ABCC1: variants seen among roughly 807,000 people sequenced by gnomAD.
The protein encoded by ABCC1 is ATP binding cassette subfamily C member 1 (ABCC1 blood group), also known as multidrug resistance-associated protein 1.
A neutral mutation model predicts 172.9 loss-of-function variants in ABCC1; 83 were observed. The ratio of observed to expected loss-of-function variants is 0.48; its 90% CI spans 0.40 to 0.58. The LOEUF is 0.58. ABCC1 is among the 20% of genes least tolerant of loss of function. The pLI is 0.00. For synonymous variants in ABCC1, 937 were observed against 825.2 expected (o/e 1.14, Z -2.32); for missense variants, 1,817 against 2,002.7 (o/e 0.91, Z 1.77).
chr16:15,992,420 G>A (rs975710794), intron 1 of ABCC1, among the ~76,000 whole-genome samples: 10 of 152,056 alleles, frequency 6.6e-5, no homozygotes, highest in African/African-American at 1.9e-4. Flanking sequence ...TTTCTTTTGA[G>A]ATGGATTCTT....
At chr16:16,127,347 C>G (rs928335341) in intron 26 of ABCC1, among the ~76,000 whole-genome samples, 3 of 152,110 alleles carry the variant, frequency 2.0e-5, no homozygotes, top group African/African-American at 7.2e-5. Flanking sequence ...TCTGGGACCA[C>G]GGGCATATGC....
At chr16:16,110,193 T>A (rs1381663132) in intron 21 of ABCC1, among the ~76,000 whole-genome samples, 1 of 151,840 alleles carries the variant, frequency 6.6e-6, no homozygotes, top group Non-Finnish European at 1.5e-5. Flanking sequence ...CTCCACCTCC[T>A]GGCTTCAAGC....
chr16:16,023,088 A>T (rs2048249148), intron 5 of ABCC1, among the ~76,000 whole-genome samples: 2 of 151,938 alleles, frequency 1.3e-5, no homozygotes, highest in Admixed American at 6.6e-5. Flanking sequence ...TAATTTTTAA[A>T]TTTTTTGTAG....
chr16:16,056,006 G>A (rs932732831), intron 11 of ABCC1, 86 bp from the exon 12 acceptor site: 3 of 1,213,054 alleles, frequency 2.5e-6, no homozygotes, highest in Non-Finnish European at 3.5e-6. Flanking sequence ...ATATAATAAA[G>A]TTTATGAGAA....
intron 10 of ABCC1, among the ~76,000 whole-genome samples, chr16:16,049,305 C>T (rs1377875124): frequency 6.6e-6 from 1 of 152,188 alleles, no homozygotes; most frequent in African/African-American, 2.4e-5. Context: ...TATTCACACC[C>T]GTGAACCAAT....
Position 16,080,822 on chromosome 16 carries a change from G to A in ABCC1, c.2115+1344G>A, listed in dbSNP as rs187066610. Among the ~76,000 whole-genome samples, 375 of 152,288 alleles carry A rather than the reference G, an allele frequency of 2.5e-3. 1 individual carries two copies. The highest frequency in any genetic ancestry group is 8.4e-3 in the African/African-American group (349 of 41,552). Reference sequence around the variant, plus strand: ...TTAGTGTCTGTGCAACTGCACATTTGTCTCTTGGAATCTGCCTTTGGGAAT... The same window carrying A: ...TTAGTGTCTGTGCAACTGCACATTTATCTCTTGGAATCTGCCTTTGGGAAT... On this transcript the variant is annotated intron_variant, in intron 16 of 30. Transcript: ENST00000399410.
intron 18 of ABCC1, among the ~76,000 whole-genome samples, chr16:16,089,105 T>C (rs939513784): frequency 8.5e-5 from 13 of 152,204 alleles, no homozygotes; most frequent in African/African-American, 3.1e-4. Flanking sequence ...AGATTGACCG[T>C]TAGCTGTTTA....
intron 1 of ABCC1, among the ~76,000 whole-genome samples, chr16:15,989,220 C>A (rs939038616): frequency 2.0e-5 from 3 of 152,070 alleles, no homozygotes; most frequent in Non-Finnish European, 4.4e-5. Flanking sequence ...TGGAAATTGC[C>A]CCTGTGATGT....
Position 16,007,866 on chromosome 16 carries a change from T to G in ABCC1, c.99T>G (p.Phe33Leu), listed in dbSNP as rs754116395. The change falls in exon 2 of 31, where the codon TTT becomes TTG. Residue 33 changes from phenylalanine (F) to leucine (L), a missense_variant. Phe to Leu is a conservative substitution (Grantham distance 22, BLOSUM62 0). Around this residue, in one of 3 missense-constraint regions of ABCC1, gnomAD observed 398 missense variants for 384.2 expected, o/e 1.04. Coordinates refer to ENST00000399410, the MANE Select transcript of ABCC1 (RefSeq NM_004996.4). ...NTSNPDFTKC[F>L]QNTVLVWVPC... ...GCAACCCCGACTTCACCAAGTGCTT[T>G]CAGAACACGGTCCTCGTGTGGGTGC... 2.5e-6 allele frequency: 4 copies of G among 1,613,568 alleles called. No homozygotes were observed. The highest frequency in any genetic ancestry group is 3.4e-6 in the Non-Finnish European group (4 of 1,179,844).
At chr16:15,978,046 A>G (rs1204666162) in intron 1 of ABCC1, among the ~76,000 whole-genome samples, 2 of 152,124 alleles carry the variant, frequency 1.3e-5, no homozygotes, top group East Asian at 1.9e-4. Flanking sequence ...GAAATAATAT[A>G]TAAGTCTCGT....
intron 19 of ABCC1, among the ~76,000 whole-genome samples, chr16:16,094,884 C>T (rs796521786): frequency 6.5e-5 from 9 of 139,454 alleles, no homozygotes; most frequent in African/African-American, 2.2e-4. Flanking sequence ...GTGGCACGAT[C>T]TTGGCTCACT....
intron 10 of ABCC1, among the ~76,000 whole-genome samples, chr16:16,049,476 T>C (rs772145815): frequency 2.0e-5 from 3 of 152,158 alleles, no homozygotes; most frequent in Non-Finnish European, 4.4e-5. Flanking sequence ...ACATGCCTTG[T>C]GCTTTGCTAC....
chr16:16,036,524 T>C lies in ABCC1; in HGVS notation c.730T>C (p.Leu244=), dbSNP rs1317328059. ...CCTGGAGGGCAGTGACCTCTGGTCCTTAAACAAGGAGGACACGTCGGAACA... is the reference window on the plus strand; with the variant it reads ...CCTGGAGGGCAGTGACCTCTGGTCCCTAAACAAGGAGGACACGTCGGAACA... ...QPLEGSDLWS[L]NKEDTSEQVV... Residue 244 remains leucine, a synonymous_variant, in exon 7 of 31, where the codon TTA becomes CTA. Coordinates refer to ENST00000399410, the MANE Select transcript of ABCC1 (RefSeq NM_004996.4). 1 of 1,614,134 alleles carries C rather than the reference T, an allele frequency of 6.2e-7. No homozygotes were observed. Among genetic ancestry groups the C allele is most frequent in the South Asian group, 1.1e-5 (1 of 91,066 alleles).
At chr16:16,030,829 C>G (rs750413526) in intron 5 of ABCC1, among the ~76,000 whole-genome samples, 1 of 151,868 alleles carries the variant, frequency 6.6e-6, no homozygotes, top group African/African-American at 2.4e-5. Flanking sequence ...TTGCCTGGTG[C>G]GGGTAGGGCC....
chr16:16,043,977 T>C (rs888869493), intron 7 of ABCC1, among the ~76,000 whole-genome samples: 46 of 152,208 alleles, frequency 3.0e-4, no homozygotes, highest in African/African-American at 1.1e-3. Flanking sequence ...TCATGATTGT[T>C]TTGACTGTTC....
At chr16:15,970,476 A>G (rs1366042766) in intron 1 of ABCC1, among the ~76,000 whole-genome samples, 1 of 152,238 alleles carries the variant, frequency 6.6e-6, no homozygotes, top group East Asian at 1.9e-4. Flanking sequence ...GAGAGTTGAT[A>G]CTGGAGCGCA....
At chr16:16,038,580 TAGTC>T (rs1273777897) in intron 7 of ABCC1, among the ~76,000 whole-genome samples, 1 of 152,156 alleles carries the variant, frequency 6.6e-6, no homozygotes, top group African/African-American at 2.4e-5. Context: ...GGATCTTCCT[TAGTC>T]AGTCCACTCA....
In ABCC1 at chr16:16,052,794, C is replaced by T. The variant is rs778231132; in HGVS notation, c.1451C>T (p.Ala484Val). Residue 484 changes from alanine (A) to valine (V), a missense_variant, in exon 11 of 31, where the codon GCG (alanine) becomes GTG (valine). Physicochemically the swap from Ala to Val is moderately conservative, Grantham distance 64 (BLOSUM62 0). Coordinates refer to ENST00000399410, the MANE Select transcript of ABCC1 (RefSeq NM_004996.4). ...VLMVPVNAVM[A>V]MKTKTYQVAH... The stretch of plus-strand genomic sequence containing the variant: ...ATGGTGCCCGTCAATGCTGTGATGG[C>T]GATGAAGACCAAGACGTATCAGGTA... 28 of 1,613,892 alleles carry T rather than the reference C, an allele frequency of 1.7e-5. No homozygotes were observed. The highest frequency in any genetic ancestry group is 1.6e-4 in the Middle Eastern group (1 of 6,078).
chr16:16,102,713 C>T lies in ABCC1; in HGVS notation c.2731C>T (p.Gln911Ter). Residue 911 changes from glutamine to a stop codon, truncating the protein, a stop_gained, in exon 20 of 31, where the codon CAG becomes TAG. Transcript: ENST00000399410. LOFTEE classifies it high-confidence loss of function. ...LVTDSAGKQL[Q>*]RQLSSSSSYS... ...GACGGACAGTGCAGGGAAGCAACTG[C>T]AGAGGTAAGGGCGGGGAGGAAGGCC... 3 of 1,576,252 alleles carry T rather than the reference C, an allele frequency of 1.9e-6. No individual in the cohort carries two copies. Among genetic ancestry groups the T allele is most frequent in the Non-Finnish European group, 2.6e-6 (3 of 1,160,524 alleles).
Sources: allele counts gnomAD v4.1 joint callset (sites outside exome capture counted in the v4.1 genomes callset), GRCh38; gene constraint gnomAD v4.1.1; regional missense constraint gnomAD v4.1.1; transcripts MANE v1.5; gene names NCBI Gene and HGNC (gene_info 2026-07-23, HGNC 2026-07-21).